Variants in IL2RG observed in about 807,000 individuals in gnomAD.
IL2RG encodes cytokine receptor common subunit gamma.
For synonymous variants in IL2RG, 111 were observed against 108.5 expected (o/e 1.02, Z -0.15); for missense variants, 205 against 272.9 (o/e 0.75, Z 1.75).
At chrX:71,111,332 A>AT in intron 1 of IL2RG, 93 bp downstream of exon 1, 1 of 1,124,441 alleles carries the variant, frequency 8.9e-7, no homozygotes, top group Non-Finnish European at 1.2e-6. Context: ...TGCCCACATG[A>AT]TTGTAATGGC....
At chrX:71,109,946 G>T (rs199526472) in intron 4 of IL2RG, among the ~76,000 whole-genome samples, 1 of 92,836 alleles carries the variant, frequency 1.1e-5, no homozygotes, top group Non-Finnish European at 2.1e-5. Context: ...AAAAAAAAAA[G>T]AAAGAAAGAA....
chrX:71,107,657 G>A lies in IL2RG; in HGVS notation c.*79C>T, dbSNP rs1040356413. 1.7e-5 allele frequency: 13 copies of A among 784,845 alleles called. No homozygotes were observed. In the Admixed American group the frequency reaches 2.2e-4, roughly 13 times the overall value. 64.7% of individuals were successfully genotyped at this position (784,845 alleles called of 1,213,427 possible). ...CAGTGGGGTGAGGTGAGTATGAGAC[G>A]CAGGTGGGTTGAATGAAGGAAAGTT... is the stretch of plus-strand genomic sequence containing the variant. On this transcript the variant is annotated 3_prime_UTR_variant, in exon 8 of 8. Coordinates refer to ENST00000374202, the MANE Select transcript of IL2RG (RefSeq NM_000206.3).
intron 7 of IL2RG, 49 bp downstream of exon 7, chrX:71,108,228 G>T: frequency 1.1e-6 from 1 of 902,450 alleles, no homozygotes; most frequent in Non-Finnish European, 1.6e-6. Flanking sequence ...CTTGCTGGCA[G>T]GCAGTTGGCA....
At chrX:71,109,118 G>A in intron 5 of IL2RG, 110 bp downstream of exon 5, 1 of 769,458 alleles carries the variant, frequency 1.3e-6, no homozygotes, top group Non-Finnish European at 2.0e-6. Flanking sequence ...GTGGAGAGAT[G>A]GGGCACCAAG....
Position 71,107,846 on chromosome X carries a change from C to T in IL2RG, c.1000G>A (p.Glu334Lys), listed in dbSNP as rs1384829276. 8.3e-7 allele frequency: 1 copy of T among 1,206,024 alleles called. No individual in the cohort carries two copies. The highest frequency in any genetic ancestry group is 1.7e-5 in the African/African-American group (1 of 57,221). Residue 334 changes from glutamate (E) to lysine (K), a missense_variant, in exon 8 of 8, where the codon GAG becomes AAG. Glu to Lys is a moderately conservative substitution (Grantham distance 56, BLOSUM62 1). Transcript: ENST00000374202. ...DYSERLCLVS[E>K]IPPKGGALGE... ...AGGGCCCCTCCTTTTGGGGGAATCT[C>T]ACTGACGAGGCAGAGTCGTTCACTG...
chrX:71,110,860 C>T, intron 2 of IL2RG, 37 bp downstream of exon 2: 1 of 1,201,995 alleles, frequency 8.3e-7, no homozygotes, highest in Non-Finnish European at 1.1e-6. Flanking sequence ...TCCAACCCAC[C>T]TCTTCTTCAT....
In IL2RG at chrX:71,110,879, C is replaced by T; in HGVS notation, c.269+18G>A. On this transcript the variant is annotated intron_variant, in intron 2 of 7. Transcript: ENST00000374202. The stretch of plus-strand genomic sequence containing the variant: ...ACCCACCTCTTCTTCATCCCCTCCC[C>T]CTCGTCCCTTCTCATACCAATAATG... 8.3e-7 allele frequency: 1 copy of T among 1,208,891 alleles called. No individual in the cohort carries two copies. Among genetic ancestry groups the T allele is most frequent in the Non-Finnish European group, 1.1e-6 (1 of 893,419 alleles).
chrX:71,111,506 A>G lies in IL2RG; in HGVS notation c.34T>C (p.Leu12=), dbSNP rs1241831215. ...CCCAGCAGGGGCAGCTGCAGGAATA[A>G]GAGGGATGTGAATGGTAATGATGGC... ...LKPSLPFTSL[L]FLQLPLLGVG... The change falls in exon 1 of 8, where the codon TTA becomes CTA. Residue 12 remains leucine (L), a synonymous_variant. Transcript: ENST00000374202. 1 of 1,211,502 alleles carries G rather than the reference A, an allele frequency of 8.3e-7. No homozygotes were observed. The highest frequency in any genetic ancestry group is 2.2e-5 in the Admixed American group (1 of 46,056).
At chrX:71,108,875 G>C (rs995729465) in intron 5 of IL2RG, among the ~76,000 whole-genome samples, 180 bp from the exon 6 acceptor site, 1 of 112,728 alleles carries the variant, frequency 8.9e-6, no homozygotes, top group Non-Finnish European at 1.9e-5. Context: ...CAAGAGTTTA[G>C]GGATGTGGCC....
intron 2 of IL2RG, 28 bp from the exon 3 acceptor site, chrX:71,110,716 G>C (rs143191053): frequency 8.6e-7 from 1 of 1,162,265 alleles, no homozygotes; most frequent in Admixed American, 2.2e-5. Context: ...GAAGGAAGAG[G>C]AACAGTGGGG....
In IL2RG at chrX:71,110,535, C is replaced by T; in HGVS notation, c.423G>A (p.Gln141=). The part of the protein sequence containing the change: ...QLQDPREPRR[Q]ATQMLKLQNL... ...TCTGCAGTTTTAGCATCTGTGTGGC[C>T]TGTCTCCTGGGTTCCCGTGGGTCCT... Residue 141 remains glutamine, a synonymous_variant, in exon 3 of 8, where the codon CAG becomes CAA. Coordinates refer to ENST00000374202, the MANE Select transcript of IL2RG (RefSeq NM_000206.3). 1 of 1,211,792 alleles carries T rather than the reference C, an allele frequency of 8.3e-7. No individual in the cohort carries two copies. Among genetic ancestry groups the T allele is most frequent in the Non-Finnish European group, 1.1e-6 (1 of 895,391 alleles).
At position 71,107,710 on chromosome X, in the gene IL2RG, G is replaced by A; in HGVS notation, c.*26C>T. On this transcript the variant is annotated 3_prime_UTR_variant, in exon 8 of 8. Transcript: ENST00000374202. The stretch of plus-strand genomic sequence containing the variant: ...TACCACTTAGGGCTACAGGACCCTG[G>A]GGTTCTTCTGTCAGAGGATTGGGGT... 1 of 1,106,736 alleles carries A rather than the reference G, an allele frequency of 9.0e-7. No individual in the cohort carries two copies. The highest frequency in any genetic ancestry group is 1.2e-6 in the Non-Finnish European group (1 of 837,785). 91.2% of individuals were successfully genotyped at this position (1,106,736 alleles called of 1,213,427 possible). A position where few individuals can be genotyped will look rare whatever the true frequency, so the allele number is the denominator to read the frequency against.
chrX:71,111,102 AAGG>A lies in IL2RG; in HGVS notation c.116-55_116-53del, dbSNP rs755233419. ...GGAGGGAAAGAGAAATGATGGTCAG[AAGG>A]AGGAGGCCAAGCACGGTGGCTCATG... is the stretch of plus-strand genomic sequence containing the variant. On this transcript the variant is annotated intron_variant, in intron 1 of 7. Transcript: ENST00000374202. 46 of 1,098,022 alleles carry A rather than the reference AAGG, an allele frequency of 4.2e-5. No individual in the cohort carries two copies. The African/African-American group carries it at 4.8e-4, about 11-fold the overall frequency. The allele number at this position is 1,098,022 out of a possible 1,213,427, so 90.5% of individuals were successfully genotyped here. A position where few individuals can be genotyped will look rare whatever the true frequency, so the allele number is the denominator to read the frequency against.
chrX:71,111,257 GAA>G, intron 1 of IL2RG, 166 bp downstream of exon 1: 8 of 738,589 alleles, frequency 1.1e-5, no homozygotes, highest in Non-Finnish European at 1.6e-5. Context: ...AAACAAGAAA[GAA>G]AGAAGAAGTA....
intron 5 of IL2RG, 54 bp from the exon 6 acceptor site, chrX:71,108,749 ATGCCAGGCACTGG>A: frequency 1.3e-5 from 11 of 841,972 alleles, no homozygotes; most frequent in Non-Finnish European, 1.7e-5. Flanking sequence ...CCCCTACTAC[ATGCCAGGCACTGG>A]TGCCAGGCAC....
intron 1 of IL2RG, 118 bp downstream of exon 1, chrX:71,111,307 T>A (rs1476047545): frequency 8.8e-6 from 9 of 1,019,705 alleles, no homozygotes; most frequent in Non-Finnish European, 1.1e-5. Context: ...CCCTTCCCAC[T>A]CCACTTTTCA....
chrX:71,110,759 G>A, intron 2 of IL2RG, 71 bp from the exon 3 acceptor site: 1 of 1,091,457 alleles, frequency 9.2e-7, no homozygotes, highest in Non-Finnish European at 1.3e-6. Flanking sequence ...CCAGAGCCTA[G>A]CCTCATCTCC....
chrX:71,108,774 G>T, intron 5 of IL2RG, 79 bp from the exon 6 acceptor site: 1 of 627,700 alleles, frequency 1.6e-6, no homozygotes, highest in South Asian at 2.5e-5. Flanking sequence ...GCCAGGCACC[G>T]CGCTAAAGAC....
At position 71,110,314 on chromosome X, in the gene IL2RG, A is replaced by G. The variant is rs773880797; in HGVS notation, c.455-19T>C. On this transcript the variant is annotated intron_variant, in intron 3 of 7. Transcript: ENST00000374202. ...GGGATCACTGGAGATATGTGTGCAT[A>G]TGTGGTCATTCCCCTGGCCTAGACA... The G allele has an allele frequency of 5.8e-6, 7 of 1,206,475 alleles. No individual in the cohort carries two copies. Among genetic ancestry groups the G allele is most frequent in the Non-Finnish European group, 7.8e-6 (7 of 892,558 alleles).
Sources: allele counts gnomAD v4.1 joint callset (sites outside exome capture counted in the v4.1 genomes callset), GRCh38; gene constraint gnomAD v4.1.1; transcripts MANE v1.5; gene names NCBI Gene and HGNC (gene_info 2026-07-23, HGNC 2026-07-21).